The following KDM6A variants were observed in gnomAD, a reference collection of about 807,000 sequenced individuals.
KDM6A encodes the protein lysine-specific demethylase 6A.
A neutral mutation model predicts 117.6 loss-of-function variants in KDM6A; 11 were observed. That is an observed-to-expected ratio of 0.09 (90% confidence interval 0.06 to 0.15). The LOEUF (loss-of-function observed/expected upper bound fraction) is 0.15, where lower values mean the gene tolerates loss of function less well. KDM6A is among the 10% of genes least tolerant of loss of function. The pLI is 1.00. For synonymous variants in KDM6A, 384 were observed against 396.1 expected (o/e 0.97, Z 0.36); for missense variants, 799 against 1,077.3 (o/e 0.74, Z 3.62).
chrX:45,067,644 C>CTTTTTTTTTTTT (rs1267780901), intron 17 of KDM6A, among the ~76,000 whole-genome samples: 1 of 90,086 alleles, frequency 1.1e-5, no homozygotes, highest in Non-Finnish European at 2.0e-5. Context: ...TGGTGTGTAT[C>CTTTTTTTTTTTT]TTTTTTTTGT....
intron 27 of KDM6A, 65 bp downstream of exon 27, chrX:45,090,929 T>A: frequency 8.9e-7 from 1 of 1,117,635 alleles, no homozygotes; most frequent in South Asian, 1.8e-5. Context: ...TTAAGTTTTT[T>A]TTCTCCCTTA....
chrX:44,890,679 A>T (rs2033276769), intron 2 of KDM6A, among the ~76,000 whole-genome samples: 2 of 67,307 alleles, frequency 3.0e-5, no homozygotes, highest in African/African-American at 1.3e-4. Context: ...TGCGAGATAG[A>T]GTTTCGCTCT....
chrX:45,027,138 GACACAC>G (rs749994241), intron 6 of KDM6A, among the ~76,000 whole-genome samples: 2 of 106,713 alleles, frequency 1.9e-5, no homozygotes, highest in African/African-American at 6.9e-5. Context: ...GTGAGAGAGA[GACACAC>G]ACACACACAC....
At chrX:44,973,979 G>T (rs972644577) in intron 3 of KDM6A, among the ~76,000 whole-genome samples, 1 of 110,324 alleles carries the variant, frequency 9.1e-6, no homozygotes, top group East Asian at 2.8e-4. Flanking sequence ...ATTTTCCCCT[G>T]CATAGTAGTC....
In KDM6A at chrX:45,107,450, A is replaced by C. The variant is rs1208237716; in HGVS notation, c.4075A>C (p.Arg1359=). The C allele has an allele frequency of 6.6e-5, 79 of 1,205,703 alleles. No homozygotes were observed. Among genetic ancestry groups the C allele is most frequent in the Non-Finnish European group, 8.8e-5 (78 of 891,383 alleles). ...LRTLKQCQTL[R]EALIAAGKEI... ...AACTCTGAAGCAATGTCAGACATTG[A>C]GGGAAGCTCTCATTGCTGCAGGAAA... is the stretch of plus-strand genomic sequence containing the variant. Residue 1359 remains arginine, a synonymous_variant, in exon 28 of 30, where the codon AGG becomes CGG. Transcript: ENST00000611820.
rs954583237 is a variant in KDM6A at position 45,088,292 on chromosome X, G to T, written c.3705-1451G>T. Among the ~76,000 whole-genome samples, 15 of 112,568 alleles carry T rather than the reference G, an allele frequency of 1.3e-4. No homozygotes were observed. In the Admixed American group the frequency reaches 1.4e-3, roughly 11 times the overall value. On this transcript the variant is annotated intron_variant, in intron 25 of 29. Transcript: ENST00000611820. ...ACTCTAGTCTAAACTTTCAAGAGTA[G>T]CCTTGCATTTTTCAAGAGAGAAAAA...
intron 2 of KDM6A, among the ~76,000 whole-genome samples, chrX:44,907,798 T>G (rs1437872149): frequency 2.1e-5 from 2 of 95,783 alleles, no homozygotes; most frequent in Non-Finnish European, 4.1e-5. Flanking sequence ...CCTTCAAAGG[T>G]GACTGTTGTT....
intron 6 of KDM6A, among the ~76,000 whole-genome samples, chrX:45,033,267 C>G (rs1314455892): frequency 8.9e-6 from 1 of 112,200 alleles, no homozygotes; most frequent in Non-Finnish European, 1.9e-5. Context: ...AGTCTGTTCT[C>G]TATTGCTATG....
At chrX:45,058,862 T>C in intron 10 of KDM6A, 144 bp from the exon 11 acceptor site, 1 of 508,192 alleles carries the variant, frequency 2.0e-6, no homozygotes, top group East Asian at 3.7e-5. Flanking sequence ...AACAAGTATA[T>C]ACATACATAC....
At chrX:44,981,729 G>A (rs764717885) in intron 4 of KDM6A, among the ~76,000 whole-genome samples, 45 of 110,976 alleles carry the variant, frequency 4.1e-4, no homozygotes, top group Non-Finnish European at 7.0e-4. Flanking sequence ...TCTCATTACA[G>A]CCCCCAACCT....
In KDM6A at chrX:44,984,727, T is replaced by A. The variant is rs928258424; in HGVS notation, c.384+10012T>A. ...GTCAAAGATCAGATAGTTGTAGATA[T>A]GCAGCATTATTTCTGAGGGCTCTGT... On this transcript the variant is annotated intron_variant, in intron 4 of 29. Coordinates refer to ENST00000611820, the MANE Select transcript of KDM6A (RefSeq NM_001291415.2). 1.8e-5 allele frequency among the ~76,000 whole-genome samples: 2 copies of A among 111,622 alleles called. 1 individual carries two copies. The highest frequency in any genetic ancestry group is 6.5e-5 in the African/African-American group (2 of 30,681).
At chrX:45,038,213 ACT>A (rs1164309178) in intron 8 of KDM6A, among the ~76,000 whole-genome samples, 1 of 111,251 alleles carries the variant, frequency 9.0e-6, no homozygotes, top group Non-Finnish European at 1.9e-5. Context: ...ACAGAGTGAG[ACT>A]CTGTCTCAAG....
intron 4 of KDM6A, among the ~76,000 whole-genome samples, chrX:44,976,542 T>C (rs778238165): frequency 1.2e-3 from 137 of 111,632 alleles, no homozygotes; most frequent in Non-Finnish European, 2.3e-3. Flanking sequence ...TTACTTATAA[T>C]ACCTAATAAA....
rs776222346 is a variant in KDM6A at position 45,070,008 on chromosome X, A to T, written c.2509A>T (p.Met837Leu). ...CAATCCTCAGCTCTCTGCCTTGTTGATGGGAAAAGCCAATAACAATGTGGG... is the reference window on the plus strand; with the variant it reads ...CAATCCTCAGCTCTCTGCCTTGTTGTTGGGAAAAGCCAATAACAATGTGGG... ...SDNPQLSALL[M>L]GKANNNVGTG... Residue 837 changes from methionine (M) to leucine (L), a missense_variant, in exon 18 of 30, where the codon ATG (methionine) becomes TTG (leucine). Physicochemically the swap from Met to Leu is conservative, Grantham distance 15 (BLOSUM62 2). Around this residue, in one of 8 missense-constraint regions of KDM6A, gnomAD observed 301 missense variants for 318.3 expected, o/e 0.95. Transcript: ENST00000611820. 1 of 1,209,867 alleles carries T rather than the reference A, an allele frequency of 8.3e-7. No homozygotes were observed. Among genetic ancestry groups the T allele is most frequent in the African/African-American group, 1.7e-5 (1 of 57,229 alleles).
At chrX:45,063,317 T>TA (rs2044384920) in intron 16 of KDM6A, 105 bp from the exon 17 acceptor site, 1 of 762,363 alleles carries the variant, frequency 1.3e-6, no homozygotes, top group African/African-American at 2.0e-5. Context: ...ATTCCCTAAT[T>TA]ATACATCTTC....
chrX:44,896,416 A>G (rs2033859256), intron 2 of KDM6A, among the ~76,000 whole-genome samples: 1 of 111,389 alleles, frequency 9.0e-6, no homozygotes, highest in Admixed American at 9.6e-5. Context: ...TTCTCTACAT[A>G]CATTGAACAA....
intron 2 of KDM6A, among the ~76,000 whole-genome samples, chrX:44,919,689 G>A (rs1047115336): frequency 4.0e-5 from 4 of 100,553 alleles, no homozygotes; most frequent in African/African-American, 1.5e-4. Context: ...TGCCCAGGCT[G>A]GAGTGCAGTG....
chrX:45,009,373 T>C (rs2041652933), intron 4 of KDM6A, among the ~76,000 whole-genome samples: 1 of 111,882 alleles, frequency 8.9e-6, no homozygotes, highest in Non-Finnish European at 1.9e-5. Context: ...TTATAATTAG[T>C]GTATAATGAG....
rs994040076 is a variant in KDM6A, at chrX:44,983,247, C to T, written c.384+8532C>T. 7.2e-5 allele frequency among the ~76,000 whole-genome samples: 8 copies of T among 111,536 alleles called. No homozygotes were observed. The South Asian group carries it at 3.0e-3, about 42-fold the overall frequency. On this transcript the variant is annotated intron_variant, in intron 4 of 29. Transcript: ENST00000611820. ...CGGTGATTAAGGAAGCCCCCCAAGTCAGCACAAATAGGTAGTGGATAAACT... is the reference window on the plus strand; with the variant it reads ...CGGTGATTAAGGAAGCCCCCCAAGTTAGCACAAATAGGTAGTGGATAAACT...
Sources: allele counts gnomAD v4.1 joint callset (sites outside exome capture counted in the v4.1 genomes callset), GRCh38; gene constraint gnomAD v4.1.1; regional missense constraint gnomAD v4.1.1; transcripts MANE v1.5; gene names NCBI Gene and HGNC (gene_info 2026-07-23, HGNC 2026-07-21).